ILDR1: variants seen among roughly 807,000 people sequenced by gnomAD.
The protein encoded by ILDR1 is immunoglobulin like domain containing receptor 1.
Under a neutral mutation model 62.4 loss-of-function variants are expected in ILDR1, and 56 were observed. That is an observed-to-expected ratio of 0.90 (90% confidence interval 0.72 to 1.12). The LOEUF (loss-of-function observed/expected upper bound fraction) is 1.12. Ranked by LOEUF, ILDR1 falls within the 50% of genes most tolerant of loss-of-function variation. The probability of loss-of-function intolerance (pLI) is 0.00; values close to 1 mark genes in which losing one functional copy is unlikely to be tolerated. For missense variants in ILDR1, 736 were observed against 710.6 expected, an observed-to-expected ratio of 1.04 and a Z score of -0.41; for synonymous variants, 284 against 277.8, an observed-to-expected ratio of 1.02 and a Z score of -0.22.
intron 1 of ILDR1, among the ~76,000 whole-genome samples, chr3:122,009,923 C>G (rs1413831662): frequency 6.6e-6 from 1 of 152,250 alleles, no homozygotes; most frequent in African/African-American, 2.4e-5. Flanking sequence ...ACCTGACCAC[C>G]TATCTCCAGG....
chr3:122,023,502 C>A (rs1232196157), upstream of ILDR1, among the ~76,000 whole-genome samples: 1 of 152,132 alleles, frequency 6.6e-6, no homozygotes, highest in Non-Finnish European at 1.5e-5. Flanking sequence ...TTCTCCTGAG[C>A]GCATGTCATG....
chr3:122,022,007 T>A lies in ILDR1; in HGVS notation c.58+13A>T. The A allele has an allele frequency of 6.2e-7, 1 of 1,608,778 alleles. No homozygotes were observed. Among genetic ancestry groups the A allele is most frequent in the African/African-American group, 1.3e-5 (1 of 75,000 alleles). ...CTTGGGTCCAGGGTGGGTACCATTT[T>A]TCCAAGGCTCACCTGCTGGGAGCCA... On this transcript the variant is annotated intron_variant, in intron 1 of 7. Transcript: ENST00000344209.
chr3:122,018,155 A>G (rs1009614968), intron 1 of ILDR1, among the ~76,000 whole-genome samples: 4 of 152,230 alleles, frequency 2.6e-5, no homozygotes, highest in East Asian at 1.9e-4. Flanking sequence ...ATGTCCATCA[A>G]TGATAGACTG....
At chr3:122,007,875 T>C (rs1203760713) in intron 1 of ILDR1, among the ~76,000 whole-genome samples, 1 of 152,192 alleles carries the variant, frequency 6.6e-6, no homozygotes, top group Non-Finnish European at 1.5e-5. Flanking sequence ...AGCCCTCCTG[T>C]CTGCAAATCT....
chr3:122,049,967 A>G, the ILDR1 span, among the ~76,000 whole-genome samples: 12 of 152,348 alleles, frequency 7.9e-5, no homozygotes, highest in South Asian at 2.5e-3. Flanking sequence ...CCCAATCTCC[A>G]TAGCTGTAAG....
intron 1 of ILDR1, among the ~76,000 whole-genome samples, chr3:122,018,724 GC>G (rs2071813821): frequency 6.6e-6 from 1 of 152,114 alleles, no homozygotes; most frequent in African/African-American, 2.4e-5. Flanking sequence ...GAAGATAAAG[GC>G]TGGGAGTGAT....
intron 7 of ILDR1, among the ~76,000 whole-genome samples, chr3:121,990,136 A>G (rs994367853): frequency 6.6e-5 from 10 of 152,194 alleles, no homozygotes; most frequent in Non-Finnish European, 1.3e-4. Flanking sequence ...ACAAGCTCCA[A>G]TGACTCCAGA....
chr3:122,060,343 A>G, the ILDR1 span, among the ~76,000 whole-genome samples: 4 of 152,178 alleles, frequency 2.6e-5, no homozygotes, highest in East Asian at 7.7e-4. Context: ...GAGAGCTTGG[A>G]AAATGGAGGC....
chr3:122,039,284 A>C, the ILDR1 span, among the ~76,000 whole-genome samples: 1 of 152,134 alleles, frequency 6.6e-6, no homozygotes, highest in Non-Finnish European at 1.5e-5. Context: ...AATACCAAAA[A>C]CCAAAAGCAA....
At position 121,993,840 on chromosome 3, in the gene ILDR1, G is replaced by A. The variant is rs1266227030; in HGVS notation, c.909C>T (p.Pro303=). 1 of 1,614,122 alleles carries A rather than the reference G, an allele frequency of 6.2e-7. No homozygotes were observed. The highest frequency in any genetic ancestry group is 1.7e-5 in the Admixed American group (1 of 60,018). The change falls in exon 7 of 8, where the codon CCC becomes CCT. Residue 303 remains proline, a synonymous_variant. Transcript: ENST00000344209. ...GGCCAAATCTGCCTTTGAGGTCAGG[G>A]GGCAGAGGCTGGGCCAGGTTGAGGT... ...LRNLNLAQPL[P]PDLKGRFGHP...
upstream of ILDR1, chr3:122,025,428 A>G (rs1436809622): frequency 6.6e-6 from 1 of 152,176 alleles, no homozygotes; most frequent in Non-Finnish European, 1.5e-5. Context: ...TAACTTACCC[A>G]AGCCTACCCA....
At chr3:122,020,703 T>C (rs2071842149) in intron 1 of ILDR1, among the ~76,000 whole-genome samples, 1 of 152,200 alleles carries the variant, frequency 6.6e-6, no homozygotes, top group East Asian at 1.9e-4. Context: ...CTGTGGGATT[T>C]TTATAAATTT....
chr3:122,054,195 A>G, the ILDR1 span, among the ~76,000 whole-genome samples: 3 of 152,148 alleles, frequency 2.0e-5, no homozygotes, highest in Non-Finnish European at 4.4e-5. Flanking sequence ...ACTTCTAATA[A>G]GTTTTTCTTA....
At chr3:122,042,846 T>A in the ILDR1 span, among the ~76,000 whole-genome samples, 1 of 152,210 alleles carries the variant, frequency 6.6e-6, no homozygotes, top group Non-Finnish European at 1.5e-5. Context: ...TTGTGAAAAT[T>A]TTTTCCCATT....
upstream of ILDR1, among the ~76,000 whole-genome samples, chr3:122,026,017 C>G (rs546013154): frequency 1.3e-5 from 2 of 152,044 alleles, no homozygotes; most frequent in African/African-American, 4.8e-5. Flanking sequence ...AGCAGAGAGA[C>G]CAGCCTATAC....
intron 2 of ILDR1, among the ~76,000 whole-genome samples, 173 bp from the exon 3 acceptor site, chr3:122,005,566 T>C (rs1043004172): frequency 1.3e-5 from 2 of 151,954 alleles, no homozygotes; most frequent in African/African-American, 4.8e-5. Flanking sequence ...AGGTCTAGAG[T>C]GGGGTCTGAG....
chr3:122,024,022 C>A (rs866091793), upstream of ILDR1, among the ~76,000 whole-genome samples: 11 of 152,108 alleles, frequency 7.2e-5, no homozygotes, highest in Middle Eastern at 3.4e-3. Flanking sequence ...ACCTCCCCCC[C>A]ATACCCCTCA....
At chr3:121,997,158 C>G (rs2071449134) in intron 5 of ILDR1, among the ~76,000 whole-genome samples, 1 of 152,210 alleles carries the variant, frequency 6.6e-6, no homozygotes, top group African/African-American at 2.4e-5. Flanking sequence ...GCCTCGGCCT[C>G]CCAAAGTACT....
chr3:122,027,073 C>A (rs2071928164), upstream of ILDR1, among the ~76,000 whole-genome samples: 1 of 152,114 alleles, frequency 6.6e-6, no homozygotes, highest in Non-Finnish European at 1.5e-5. Flanking sequence ...ATAAGTCCAA[C>A]AAAATATGTG....
Sources: gnomAD v4.1 joint callset for allele counts (sites outside exome capture counted in the v4.1 genomes callset) on GRCh38, gnomAD v4.1.1 for gene constraint, MANE v1.5 for transcripts, NCBI Gene and HGNC (gene_info 2026-07-23, HGNC 2026-07-21) for gene names.